ZSWIM6: variants seen among roughly 807,000 people sequenced by gnomAD.
The protein encoded by ZSWIM6 is zinc finger SWIM-type containing 6.
Under a neutral mutation model 113.2 loss-of-function variants are expected in ZSWIM6, and 9 were observed. The observed-to-expected ratio is 0.08, with a 90% CI of 0.05 to 0.14. ZSWIM6 has a LOEUF of 0.14. ZSWIM6 is among the 10% of genes least tolerant of loss of function. ZSWIM6 has a pLI of 1.00. For synonymous variants in ZSWIM6, 611 were observed against 606.5 expected, an observed-to-expected ratio of 1.01 and a Z score of -0.11; for missense variants, 1,162 against 1,552.2, an observed-to-expected ratio of 0.75 and a Z score of 4.22.
chr5:61,510,251 T>G (rs921514422), intron 4 of ZSWIM6, among the ~76,000 whole-genome samples: 3 of 151,958 alleles, frequency 2.0e-5, no homozygotes, highest in Non-Finnish European at 4.4e-5. Flanking sequence ...TACATCTGAA[T>G]GTTTGGTGGA....
At chr5:61,499,395 C>CT (rs1425358286) in intron 4 of ZSWIM6, among the ~76,000 whole-genome samples, 1 of 151,994 alleles carries the variant, frequency 6.6e-6, no homozygotes, top group African/African-American at 2.4e-5. Context: ...CTTGCTATGT[C>CT]TAGAGGAACA....
intron 2 of ZSWIM6, among the ~76,000 whole-genome samples, chr5:61,490,253 C>T (rs1369257391): frequency 6.6e-6 from 1 of 152,048 alleles, no homozygotes; most frequent in Non-Finnish European, 1.5e-5. Flanking sequence ...AACAGCTGCA[C>T]TGCCTGTTCC....
intron 1 of ZSWIM6, among the ~76,000 whole-genome samples, chr5:61,427,782 C>A (rs1746491757): frequency 6.6e-6 from 1 of 152,014 alleles, no homozygotes; most frequent in Non-Finnish European, 1.5e-5. Flanking sequence ...TGCCAGGATC[C>A]CTCAAATATT....
intron 3 of ZSWIM6, among the ~76,000 whole-genome samples, chr5:61,491,529 C>G (rs1437592231): frequency 6.6e-6 from 1 of 151,984 alleles, no homozygotes; most frequent in Non-Finnish European, 1.5e-5. Context: ...GTCTACTGTT[C>G]ATCTTCATCA....
intron 4 of ZSWIM6, among the ~76,000 whole-genome samples, chr5:61,502,790 TTG>T (rs1748508322): frequency 6.6e-6 from 1 of 152,160 alleles, no homozygotes; most frequent in Non-Finnish European, 1.5e-5. Flanking sequence ...ACAAACCCTG[TTG>T]TGAGCTGCAC....
At chr5:61,519,809 TC>T (rs1318338106) in intron 4 of ZSWIM6, among the ~76,000 whole-genome samples, 1 of 152,130 alleles carries the variant, frequency 6.6e-6, no homozygotes, top group Non-Finnish European at 1.5e-5. Flanking sequence ...AGACAGTTTT[TC>T]CACGGATGGG....
intron 5 of ZSWIM6, among the ~76,000 whole-genome samples, chr5:61,524,846 A>T (rs1749236034): frequency 6.6e-6 from 1 of 152,236 alleles, no homozygotes; most frequent in African/African-American, 2.4e-5. Context: ...CCTGATTTCC[A>T]GTTGAGGATT....
intron 4 of ZSWIM6, among the ~76,000 whole-genome samples, chr5:61,499,788 G>A (rs1379047820): frequency 1.3e-5 from 2 of 151,996 alleles, no homozygotes; most frequent in East Asian, 3.9e-4. Context: ...AGAGGGAGAT[G>A]GTAGACAGGT....
At chr5:61,337,277 T>TCCC (rs34789006) in intron 1 of ZSWIM6, among the ~76,000 whole-genome samples, 11 of 144,672 alleles carry the variant, frequency 7.6e-5, no homozygotes, top group African/African-American at 2.5e-4. Flanking sequence ...AGATTCCGTC[T>TCCC]CCCCCCCCAA....
chr5:61,491,000 A>T, intron 3 of ZSWIM6, 66 bp downstream of exon 3: 1 of 1,380,144 alleles, frequency 7.2e-7, no homozygotes, highest in Non-Finnish European at 9.6e-7. Context: ...TCTGAATATG[A>T]TCATGTCTAC....
At chr5:61,422,879 C>G (rs1425728813) in intron 1 of ZSWIM6, among the ~76,000 whole-genome samples, 1 of 152,024 alleles carries the variant, frequency 6.6e-6, no homozygotes, top group East Asian at 1.9e-4. Context: ...TATAAAAATG[C>G]TACTGATTTT....
At chr5:61,537,253 A>C (rs1045352) in intron 10 of ZSWIM6, among the ~76,000 whole-genome samples, 57,316 of 151,986 alleles carry the variant, frequency 0.38, 10,962 homozygotes, top group South Asian at 0.43. Context: ...GCAGTTTCTT[A>C]ATGGGGAATA....
At position 61,526,323 on chromosome 5, in the gene ZSWIM6, A is replaced by G; in HGVS notation, c.1764A>G (p.Leu588=). Residue 588 remains leucine (L), a synonymous_variant, in exon 7 of 14, where the codon CTA becomes CTG. Coordinates refer to ENST00000252744, the MANE Select transcript of ZSWIM6 (RefSeq NM_020928.2). ...SHGYPREALR[L]AIAIVNTLRR... is the part of the protein sequence containing the mutation. ...GGTACCCCAGAGAAGCACTGAGACTAGCAATAGCTATTGTTAATACATTAA... is the reference window on the plus strand; with the variant it reads ...GGTACCCCAGAGAAGCACTGAGACTGGCAATAGCTATTGTTAATACATTAA... The G allele has an allele frequency of 1.9e-6, 3 of 1,552,184 alleles. No homozygotes were observed. The highest frequency in any genetic ancestry group is 2.6e-6 in the Non-Finnish European group (3 of 1,147,064).
At position 61,357,154 on chromosome 5, in the gene ZSWIM6, G is replaced by A. The variant is rs1041161021; in HGVS notation, c.676+24206G>A. ...TAAGCATTCCAGGTGATTCTGATAC[G>A]CACAGAACCACTGGCCTAATGTAGT... On this transcript the variant is annotated intron_variant, in intron 1 of 13. Transcript: ENST00000252744. Among the ~76,000 whole-genome samples, 14 of 152,102 alleles carry A rather than the reference G, an allele frequency of 9.2e-5. No homozygotes were observed. The East Asian group carries it at 1.2e-3, about 13-fold the overall frequency.
chr5:61,487,090 A>G (rs1290794862), intron 2 of ZSWIM6, among the ~76,000 whole-genome samples: 2 of 151,938 alleles, frequency 1.3e-5, no homozygotes, highest in East Asian at 3.9e-4. Context: ...GTAGGAGTCC[A>G]GTTTTGGTCT....
chr5:61,493,026 AT>A (rs1580035616), intron 3 of ZSWIM6, among the ~76,000 whole-genome samples: 1 of 152,070 alleles, frequency 6.6e-6, no homozygotes, highest in East Asian at 1.9e-4. Context: ...AAGTGGATGG[AT>A]TCATTTAGGG....
chr5:61,333,314 C>G (rs988101451), intron 1 of ZSWIM6, among the ~76,000 whole-genome samples: 8 of 151,392 alleles, frequency 5.3e-5, no homozygotes, highest in Non-Finnish European at 1.0e-4. Context: ...CGGCCGGCCT[C>G]CGGCGAGGGT....
intron 1 of ZSWIM6, among the ~76,000 whole-genome samples, chr5:61,412,277 T>TG (rs1278722768): frequency 6.6e-6 from 1 of 152,198 alleles, no homozygotes; most frequent in Non-Finnish European, 1.5e-5. Flanking sequence ...TGGTCAGAGT[T>TG]GCAACTACCA....
chr5:61,446,026 G>A (rs1746945567), intron 1 of ZSWIM6, among the ~76,000 whole-genome samples: 1 of 152,206 alleles, frequency 6.6e-6, no homozygotes, highest in African/African-American at 2.4e-5. Context: ...AACGTAGTAT[G>A]AAACAAAGCA....
Sources: allele counts gnomAD v4.1 joint callset (sites outside exome capture counted in the v4.1 genomes callset), GRCh38; gene constraint gnomAD v4.1.1; transcripts MANE v1.5; gene names NCBI Gene and HGNC (gene_info 2026-07-23, HGNC 2026-07-21).